Variants in SYCP2 observed in about 807,000 individuals in gnomAD.
SYCP2 encodes synaptonemal complex lateral element protein.
Under a neutral mutation model 211.3 loss-of-function variants are expected in SYCP2, and 55 were observed. That is an observed-to-expected ratio of 0.26 (90% CI 0.21 to 0.33). The LOEUF (loss-of-function observed/expected upper bound fraction) is 0.33, where lower values mean the gene tolerates loss of function less well. Among genes scored for constraint, SYCP2 ranks in the 10% least tolerant of loss-of-function variants. The pLI, the probability that SYCP2 is intolerant of heterozygous loss-of-function variation, is 1.00. For missense variants in SYCP2, 1,731 were observed against 1,752.0 expected, an observed-to-expected ratio of 0.99 and a Z score of 0.21; for synonymous variants, 570 against 555.2, an observed-to-expected ratio of 1.03 and a Z score of -0.37.
intron 2 of SYCP2, among the ~76,000 whole-genome samples, chr20:59,925,421 G>C (rs1200385052): frequency 6.6e-6 from 1 of 152,040 alleles, no homozygotes; most frequent in African/African-American, 2.4e-5. Flanking sequence ...AAAGAACTCT[G>C]TTGGAAAACA....
intron 44 of SYCP2, among the ~76,000 whole-genome samples, chr20:59,864,708 T>G (rs1409036563): frequency 1.3e-5 from 2 of 152,052 alleles, no homozygotes; most frequent in African/African-American, 4.8e-5. Context: ...CCTAGTTAAG[T>G]AGCTTGTTTG....
chr20:59,865,618 A>G lies in SYCP2; in HGVS notation c.4413T>C (p.Ser1471=), dbSNP rs749084761. 3 of 1,602,424 alleles carry G rather than the reference A, an allele frequency of 1.9e-6. No homozygotes were observed. Among genetic ancestry groups the G allele is most frequent in the South Asian group, 2.3e-5 (2 of 88,520 alleles). The change falls in exon 43 of 45, where the codon AGT becomes AGC. Residue 1471 remains serine, a synonymous_variant. Coordinates refer to ENST00000357552, the MANE Select transcript of SYCP2 (RefSeq NM_014258.4). ...CTTCACTATCAGTATTACAGAAGACACTTTTAGCCAATGAAGTTTTCAAAA... is the reference window on the plus strand; with the variant it reads ...CTTCACTATCAGTATTACAGAAGACGCTTTTAGCCAATGAAGTTTTCAAAA... ...LHLLKTSLAK[S]VFCNTDSEET... is the part of the protein sequence containing the mutation.
intron 15 of SYCP2, among the ~76,000 whole-genome samples, chr20:59,902,993 TTACTG>T (rs1403117263): frequency 6.6e-6 from 1 of 152,170 alleles, no homozygotes; most frequent in African/African-American, 2.4e-5. Flanking sequence ...TTTCTATAGC[TTACTG>T]TAAATTATAT....
intron 39 of SYCP2, 33 bp downstream of exon 39, chr20:59,867,678 T>G: frequency 6.5e-7 from 1 of 1,544,594 alleles, no homozygotes; most frequent in Non-Finnish European, 8.9e-7. Flanking sequence ...ATTATATTAT[T>G]GGGTATAAAT....
At chr20:59,932,621 G>T (rs538161475) in intron 1 of SYCP2, among the ~76,000 whole-genome samples, 1 of 152,100 alleles carries the variant, frequency 6.6e-6, no homozygotes. Flanking sequence ...TTGCAGTGAC[G>T]CGAGATCGCA....
In SYCP2 at chr20:59,895,473, T is replaced by C. The variant is rs764616953; in HGVS notation, c.1629A>G (p.Ser543=). The change falls in exon 20 of 45, where the codon TCA becomes TCG. Residue 543 remains serine, a synonymous_variant. Transcript: ENST00000357552. ...VDNAASLKSR[S]SEGRHRRDNI... ...TATCTCTTCTATGTCTTCCTTCTGA[T>C]GATCTAGATTTCAGTGATGCAGCAT... 2 of 1,612,116 alleles carry C rather than the reference T, an allele frequency of 1.2e-6. No homozygotes were observed. The highest frequency in any genetic ancestry group is 2.7e-5 in the African/African-American group (2 of 74,836).
intron 44 of SYCP2, among the ~76,000 whole-genome samples, chr20:59,864,593 G>A (rs2145572361): frequency 6.6e-6 from 1 of 152,096 alleles, no homozygotes; most frequent in South Asian, 2.1e-4. Context: ...TCAGTTGAGA[G>A]AAGGCTCTAA....
intron 16 of SYCP2, among the ~76,000 whole-genome samples, chr20:59,901,168 T>C (rs1206550847): frequency 1.3e-5 from 2 of 152,072 alleles, no homozygotes; most frequent in Admixed American, 6.6e-5. Context: ...ATTTGGCTCA[T>C]AATGTCTTCC....
chr20:59,908,642 A>C (rs968042430), intron 14 of SYCP2, among the ~76,000 whole-genome samples: 2 of 152,188 alleles, frequency 1.3e-5, no homozygotes, highest in Non-Finnish European at 2.9e-5. Flanking sequence ...AAAAACACAC[A>C]TAATGGCAAT....
intron 18 of SYCP2, 90 bp downstream of exon 18, chr20:59,900,048 T>C (rs1195481497): frequency 3.0e-6 from 4 of 1,354,792 alleles, no homozygotes; most frequent in Non-Finnish European, 4.2e-6. Flanking sequence ...CAATAATATA[T>C]AAATTCTAGA....
At chr20:59,879,818 AATAAATATATATATATATATAT>A (rs1473502040) in intron 31 of SYCP2, among the ~76,000 whole-genome samples, 1,331 of 125,646 alleles carry the variant, frequency 0.011, 17 homozygotes, top group African/African-American at 0.026. Flanking sequence ...AGTAAATATA[AATAAATATATATATATATATAT>A]ATATATATAT....
rs535578209 is a variant in SYCP2 at position 59,881,021 on chromosome 20, A to G, written c.2717T>C (p.Val906Ala). ...EACADRSIRL[V>A]GPRNHDELKS... ...AAGTTCATCATGATTCCTTGGACCTACCCTTAAACAAAAATATGTATTAAT... is the reference window on the plus strand; with the variant it reads ...AAGTTCATCATGATTCCTTGGACCTGCCCTTAAACAAAAATATGTATTAAT... Residue 906 changes from valine (V) to alanine (A), a missense_variant and splice_region_variant, in exon 30 of 45, where the codon GTA (valine) becomes GCA (alanine). Physicochemically the swap from Val to Ala is moderately conservative, Grantham distance 64. This residue lies in a region of SYCP2 where 1,387 missense variants were observed against 1,351.3 expected (regional missense o/e 1.03). Coordinates refer to ENST00000357552, the MANE Select transcript of SYCP2 (RefSeq NM_014258.4). The G allele has an allele frequency of 1.6e-5, 23 of 1,483,186 alleles. No individual in the cohort carries two copies. The highest frequency in any genetic ancestry group is 3.7e-5 in the Admixed American group (2 of 53,766). 91.9% of individuals were successfully genotyped at this position (1,483,186 alleles called of 1,614,324 possible). A position where few individuals can be genotyped will look rare whatever the true frequency, so the allele number is the denominator to read the frequency against.
chr20:59,917,655 T>C (rs2060468281), intron 7 of SYCP2, among the ~76,000 whole-genome samples: 2 of 151,726 alleles, frequency 1.3e-5, no homozygotes, highest in Admixed American at 6.6e-5. Flanking sequence ...TAAAACTTTT[T>C]GGCTCTGAAG....
intron 15 of SYCP2, among the ~76,000 whole-genome samples, chr20:59,903,010 A>G (rs980622037): frequency 1.3e-5 from 2 of 152,136 alleles, no homozygotes; most frequent in African/African-American, 4.8e-5. Flanking sequence ...AAATTATATT[A>G]AATGTAATAT....
intron 20 of SYCP2, 98 bp from the exon 21 acceptor site, chr20:59,893,691 C>T: frequency 1.3e-6 from 1 of 773,490 alleles, no homozygotes; most frequent in Non-Finnish European, 2.0e-6. Flanking sequence ...ACAAATCTGC[C>T]TTGATATGAA....
chr20:59,877,741 T>C (rs2059588779), intron 32 of SYCP2, among the ~76,000 whole-genome samples, 186 bp from the exon 33 acceptor site: 1 of 152,170 alleles, frequency 6.6e-6, no homozygotes, highest in Non-Finnish European at 1.5e-5. Context: ...ACCATCTCTG[T>C]ATCCCTACCA....
chr20:59,883,651 T>A (rs201764640), intron 26 of SYCP2, among the ~76,000 whole-genome samples: 67 of 145,300 alleles, frequency 4.6e-4, no homozygotes, highest in East Asian at 3.4e-3. Flanking sequence ...AAAAAAAAAA[T>A]GTCAAATCTA....
rs1344614172 is a variant in SYCP2, at chr20:59,900,187, T to G, written c.1355A>C (p.Lys452Thr). Reference protein sequence around the residue: ...KSPKEFAKPSKYIKNSDKGNR... With the variant: ...KSPKEFAKPSTYIKNSDKGNR... ...CCCTTTGTCACTGTTTTTGATATAT[T>G]TTGAAGGTTTAGCAAATTCCTTTGG... The change falls in exon 18 of 45, where the codon AAA (lysine) becomes ACA (threonine). Residue 452 changes from lysine to threonine, a missense_variant. Physicochemically the swap from Lys to Thr is moderately conservative, Grantham distance 78. This residue lies in a region of SYCP2 where 1,387 missense variants were observed against 1,351.3 expected (regional missense o/e 1.03). Transcript: ENST00000357552. 9 of 1,613,304 alleles carry G rather than the reference T, an allele frequency of 5.6e-6. No individual in the cohort carries two copies. Among genetic ancestry groups the G allele is most frequent in the Non-Finnish European group, 4.2e-6 (5 of 1,179,632 alleles).
At chr20:59,886,024 C>G in intron 25 of SYCP2, 60 bp from the exon 26 acceptor site, 4 of 1,260,560 alleles carry the variant, frequency 3.2e-6, no homozygotes, top group Non-Finnish European at 4.5e-6. Context: ...TCATAAAAGT[C>G]ATTTTAAGAT....
Sources: gnomAD v4.1 joint callset for allele counts (sites outside exome capture counted in the v4.1 genomes callset) on GRCh38, gnomAD v4.1.1 for gene constraint, gnomAD v4.1.1 regional missense constraint, MANE v1.5 for transcripts, NCBI Gene and HGNC (gene_info 2026-07-23, HGNC 2026-07-21) for gene names.